The following CSMD1 variants were observed in gnomAD, a reference collection of about 807,000 sequenced individuals.
CSMD1 encodes the protein CUB and sushi domain-containing protein 1.
CSMD1 carries 213 observed loss-of-function variants against 417.5 expected under a neutral mutation model. The observed-to-expected ratio is 0.51, with a 90% CI of 0.46 to 0.57. CSMD1 has a LOEUF of 0.57. Among genes scored for constraint, CSMD1 ranks in the 20% least tolerant of loss-of-function variants. The pLI is 0.00. For missense variants in CSMD1, 6,923 were observed against 4,529.7 expected, an observed-to-expected ratio of 1.53 and a Z score of -15.17; for synonymous variants, 2,862 against 1,736.8, an observed-to-expected ratio of 1.65 and a Z score of -16.11.
intron 2 of CSMD1, among the ~76,000 whole-genome samples, chr8:4,478,063 A>C (rs1233232129): frequency 1.3e-5 from 2 of 152,128 alleles, no homozygotes; most frequent in African/African-American, 4.8e-5. Flanking sequence ...CCCCGAGTTA[A>C]AACTGATTTT....
intron 3 of CSMD1, among the ~76,000 whole-genome samples, chr8:4,102,405 G>T (rs1801351327): frequency 6.6e-6 from 1 of 152,152 alleles, no homozygotes; most frequent in Non-Finnish European, 1.5e-5. Flanking sequence ...AACCCCTCTG[G>T]AGAATATTCT....
chr8:3,710,778 G>A (rs1338732922), intron 6 of CSMD1, among the ~76,000 whole-genome samples: 4 of 152,146 alleles, frequency 2.6e-5, no homozygotes, highest in South Asian at 2.1e-4. Flanking sequence ...GACACCGCCA[G>A]CTCATATCAG....
intron 5 of CSMD1, among the ~76,000 whole-genome samples, chr8:3,855,207 G>A (rs922521670): frequency 6.6e-6 from 1 of 151,966 alleles, no homozygotes; most frequent in Admixed American, 6.6e-5. Flanking sequence ...AAAACTAATG[G>A]ACAAGGCTGC....
chr8:3,438,400 C>T (rs1814716183), intron 12 of CSMD1, among the ~76,000 whole-genome samples: 1 of 152,108 alleles, frequency 6.6e-6, no homozygotes, highest in South Asian at 2.1e-4. Context: ...TCCCGTTGAC[C>T]CTTGATAGCT....
intron 45 of CSMD1, chr8:3,107,108 C>A (rs939701598): frequency 6.4e-6 from 1 of 155,862 alleles, no homozygotes; most frequent in African/African-American, 2.4e-5. Context: ...GTCTGAAACA[C>A]AGGGCAGAGT....
At chr8:4,692,530 G>T (rs1229611836) in intron 1 of CSMD1, among the ~76,000 whole-genome samples, 1 of 152,092 alleles carries the variant, frequency 6.6e-6, no homozygotes, top group Non-Finnish European at 1.5e-5. Flanking sequence ...CTGAGTTAAG[G>T]AACAAGGAGC....
intron 2 of CSMD1, among the ~76,000 whole-genome samples, chr8:4,465,209 T>A (rs1800092878): frequency 6.6e-6 from 1 of 152,128 alleles, no homozygotes; most frequent in African/African-American, 2.4e-5. Context: ...GGATGCCACA[T>A]AAAGTATACA....
chr8:3,724,552 A>G (rs533290665), intron 6 of CSMD1, among the ~76,000 whole-genome samples: 186 of 152,220 alleles, frequency 1.2e-3, no homozygotes, highest in Non-Finnish European at 2.3e-3. Flanking sequence ...AGGCTGAATG[A>G]TCTGAGCACC....
chr8:4,385,701 T>C (rs1296688118), intron 3 of CSMD1, among the ~76,000 whole-genome samples: 1 of 152,172 alleles, frequency 6.6e-6, no homozygotes, highest in Non-Finnish European at 1.5e-5. Flanking sequence ...TAATATAGTA[T>C]TTTTATAGAG....
At chr8:4,575,344 C>T (rs1274439677) in intron 2 of CSMD1, among the ~76,000 whole-genome samples, 1 of 152,142 alleles carries the variant, frequency 6.6e-6, no homozygotes, top group Non-Finnish European at 1.5e-5. Flanking sequence ...AATAACAGGT[C>T]ACATTTTTAT....
At chr8:3,337,354 C>T (rs776417770) in intron 23 of CSMD1, among the ~76,000 whole-genome samples, 1 of 152,034 alleles carries the variant, frequency 6.6e-6, no homozygotes, top group Non-Finnish European at 1.5e-5. Flanking sequence ...ATGAAGCATC[C>T]CTTAGAAGCA....
At chr8:4,397,841 G>C (rs1286744654) in intron 3 of CSMD1, among the ~76,000 whole-genome samples, 3 of 152,052 alleles carry the variant, frequency 2.0e-5, no homozygotes, top group African/African-American at 7.2e-5. Flanking sequence ...ATAATGTAAT[G>C]TCAGGATACA....
intron 2 of CSMD1, among the ~76,000 whole-genome samples, chr8:4,466,554 A>T (rs1800182469): frequency 6.6e-6 from 1 of 152,202 alleles, no homozygotes; most frequent in African/African-American, 2.4e-5. Context: ...CATGAGCAAA[A>T]ATGGGCAAAC....
intron 3 of CSMD1, among the ~76,000 whole-genome samples, chr8:4,212,890 G>A (rs993665759): frequency 6.6e-6 from 1 of 151,346 alleles, no homozygotes; most frequent in Non-Finnish European, 1.5e-5. Flanking sequence ...CAACAGTTTA[G>A]AGGCTGAGCT....
chr8:4,786,208 T>C (rs1797394193), intron 1 of CSMD1, among the ~76,000 whole-genome samples: 1 of 152,202 alleles, frequency 6.6e-6, no homozygotes, highest in African/African-American at 2.4e-5. Flanking sequence ...AGCAAGAATC[T>C]TATTTCACCA....
chr8:4,453,234 C>G (rs1160532071), intron 2 of CSMD1, among the ~76,000 whole-genome samples: 1 of 145,830 alleles, frequency 6.9e-6, no homozygotes, highest in Non-Finnish European at 1.5e-5. Context: ...CACACACACA[C>G]ACACACACAC....
intron 5 of CSMD1, among the ~76,000 whole-genome samples, chr8:3,793,333 T>C (rs1297606152): frequency 6.6e-6 from 1 of 152,236 alleles, no homozygotes; most frequent in Non-Finnish European, 1.5e-5. Flanking sequence ...GCAGCTAGAA[T>C]GTCCATGACT....
chr8:2,941,255 G>A (rs1208953160), intron 69 of CSMD1, among the ~76,000 whole-genome samples: 2 of 152,116 alleles, frequency 1.3e-5, no homozygotes, highest in Non-Finnish European at 2.9e-5. Flanking sequence ...CACCTTTGAA[G>A]CAACATTTTC....
intron 1 of CSMD1, among the ~76,000 whole-genome samples, chr8:4,905,937 G>C (rs1362122999): frequency 6.6e-6 from 1 of 151,728 alleles, no homozygotes; most frequent in Non-Finnish European, 1.5e-5. Context: ...ACCAGTCCCA[G>C]TTTCCCAAAC....
Sources: allele counts gnomAD v4.1 joint callset (sites outside exome capture counted in the v4.1 genomes callset), GRCh38; gene constraint gnomAD v4.1.1; transcripts MANE v1.5; gene names NCBI Gene and HGNC (gene_info 2026-07-23, HGNC 2026-07-21).